PCDHGB5: variants seen among roughly 807,000 people sequenced by gnomAD.
The protein encoded by PCDHGB5 is protocadherin gamma subfamily B, 5.
A neutral mutation model predicts 62.9 loss-of-function variants in PCDHGB5; 48 were observed. That is an observed-to-expected ratio of 0.76 (90% confidence interval 0.61 to 0.97). PCDHGB5 has a LOEUF of 0.97. Among genes scored for constraint, PCDHGB5 ranks in the 50% least tolerant of loss-of-function variants. The pLI is 0.00. For missense variants in PCDHGB5, 1,118 were observed against 1,198.6 expected, an observed-to-expected ratio of 0.93 and a Z score of 0.99; for synonymous variants, 474 against 511.2, an observed-to-expected ratio of 0.93 and a Z score of 0.98.
Position 141,485,618 on chromosome 5 carries a change from G to A in PCDHGB5, c.2398-9189G>A, listed in dbSNP as rs2099616729. 2.5e-6 allele frequency: 4 copies of A among 1,612,092 alleles called. No individual in the cohort carries two copies. Among genetic ancestry groups the A allele is most frequent in the Non-Finnish European group, 3.4e-6 (4 of 1,178,672 alleles). On this transcript the variant is annotated intron_variant, in intron 1 of 3. Coordinates refer to ENST00000617380, the MANE Select transcript of PCDHGB5 (RefSeq NM_018925.3). This position sits in a 1 kb window ranked among gnomAD's most constrained non-coding sequence, Gnocchi z 5.7. The stretch of plus-strand genomic sequence containing the variant: ...GGAAATTGGGGAGGCAGCTCCTCCA[G>A]GACAGCGTTTCCCGTTGGAAAAGGC...
intron 1 of PCDHGB5, chr5:141,403,224 A>G (rs753308307): frequency 2.0e-5 from 32 of 1,613,820 alleles, no homozygotes; most frequent in Non-Finnish European, 2.5e-5. Context: ...GGTAGGATAG[A>G]CCGGGAGGAG....
At chr5:141,457,784 T>G (rs1021614051) in intron 1 of PCDHGB5, among the ~76,000 whole-genome samples, 1 of 152,210 alleles carries the variant, frequency 6.6e-6, no homozygotes, top group Non-Finnish European at 1.5e-5. Flanking sequence ...TACCTGTGAG[T>G]TGGGTTATCC....
In PCDHGB5 at chr5:141,400,181, A is replaced by C; in HGVS notation, c.2054A>C (p.Gln685Pro). 1.9e-6 allele frequency: 3 copies of C among 1,614,034 alleles called. No individual in the cohort carries two copies. Among genetic ancestry groups the C allele is most frequent in the Non-Finnish European group, 2.5e-6 (3 of 1,179,896 alleles). Residue 685 changes from glutamine (Q) to proline (P), a missense_variant, in exon 1 of 4, where the codon CAG (glutamine) becomes CCG (proline). Transcript: ENST00000617380. The part of the protein sequence containing the change: ...PVPSDPQAEL[Q>P]FYLVVALALI... ...CCCTCTGACCCCCAGGCTGAGCTGCAGTTTTACCTAGTGGTGGCCTTGGCC... is the reference window on the plus strand; with the variant it reads ...CCCTCTGACCCCCAGGCTGAGCTGCCGTTTTACCTAGTGGTGGCCTTGGCC...
At chr5:141,481,462 C>T (rs1395867714) in intron 1 of PCDHGB5, among the ~76,000 whole-genome samples, 1 of 152,162 alleles carries the variant, frequency 6.6e-6, no homozygotes. Flanking sequence ...ACACTGAAAA[C>T]CATTGGATTA....
Position 141,432,972 on chromosome 5 carries a change from C to T in PCDHGB5, c.2397+32448C>T. 1 of 1,614,218 alleles carries T rather than the reference C, an allele frequency of 6.2e-7. No homozygotes were observed. Among genetic ancestry groups the T allele is most frequent in the African/African-American group, 1.3e-5 (1 of 75,058 alleles). ...GGCGGCTTGACAGGAGCGCCGGCGT[C>T]GCACTTTGTGGGCGTGGACGGGGTG... On this transcript the variant is annotated intron_variant, in intron 1 of 3. Coordinates refer to ENST00000617380, the MANE Select transcript of PCDHGB5 (RefSeq NM_018925.3). This position sits in a 1 kb window ranked among gnomAD's most constrained non-coding sequence, Gnocchi z 6.0.
At chr5:141,483,187 GTTT>G (rs899657161) in intron 1 of PCDHGB5, among the ~76,000 whole-genome samples, 2 of 152,172 alleles carry the variant, frequency 1.3e-5, no homozygotes, top group African/African-American at 4.8e-5. Flanking sequence ...AAGCCAAGGA[GTTT>G]TTATTTTATT....
chr5:141,444,472 C>A (rs559334960), intron 1 of PCDHGB5, among the ~76,000 whole-genome samples: 2 of 151,850 alleles, frequency 1.3e-5, no homozygotes, highest in Non-Finnish European at 2.9e-5. Context: ...CGCCCGGTCG[C>A]GTACTGGATT....
Position 141,491,547 on chromosome 5 carries a change from G to C in PCDHGB5, c.2398-3260G>C. On this transcript the variant is annotated intron_variant, in intron 1 of 3. Coordinates refer to ENST00000617380, the MANE Select transcript of PCDHGB5 (RefSeq NM_018925.3). This position sits in a 1 kb window ranked among gnomAD's most constrained non-coding sequence, Gnocchi z 6.9. Reference sequence around the variant, plus strand: ...AGGTGACGCTGCGGCCCACAGACTCGCAGAGCCACTGCTACAGGACGTGCT... The same window carrying C: ...AGGTGACGCTGCGGCCCACAGACTCCCAGAGCCACTGCTACAGGACGTGCT... 6.2e-7 allele frequency: 1 copy of C among 1,613,974 alleles called. No individual in the cohort carries two copies. The highest frequency in any genetic ancestry group is 8.5e-7 in the Non-Finnish European group (1 of 1,180,022).
Position 141,409,803 on chromosome 5 carries a change from C to G in PCDHGB5, c.2397+9279C>G, listed in dbSNP as rs779815582. The G allele has an allele frequency of 1.4e-5, 23 of 1,611,528 alleles. No homozygotes were observed. The highest frequency in any genetic ancestry group is 7.7e-5 in the South Asian group (7 of 90,886). ...CGCGCCTTCGCGCTCACGCTGCAGG[C>G]CCGCGACCACGGCTCGCCCACGCTC... On this transcript the variant is annotated intron_variant, in intron 1 of 3. Coordinates refer to ENST00000617380, the MANE Select transcript of PCDHGB5 (RefSeq NM_018925.3).
chr5:141,474,412 C>T (rs1282336092), intron 1 of PCDHGB5, among the ~76,000 whole-genome samples: 2 of 152,220 alleles, frequency 1.3e-5, no homozygotes, highest in African/African-American at 2.4e-5. Context: ...CCGGTGATGC[C>T]TAGACCATTG....
At chr5:141,409,520 T>TTG (rs767613304) in intron 1 of PCDHGB5, 2 of 1,613,966 alleles carry the variant, frequency 1.2e-6, no homozygotes, top group East Asian at 4.5e-5. Flanking sequence ...AAGCATCACC[T>TTG]TGTATGTCGC....
Position 141,512,836 on chromosome 5 carries a change from T to G in PCDHGB5, c.*1663T>G, listed in dbSNP as rs1024777792. On this transcript the variant is annotated 3_prime_UTR_variant, in exon 4 of 4. Transcript: ENST00000617380. ...GGCGACCCCCTCCCCCGTACTGACTTCTCCTATAAGCGCTTCTCTTCGCAT... is the reference window on the plus strand; with the variant it reads ...GGCGACCCCCTCCCCCGTACTGACTGCTCCTATAAGCGCTTCTCTTCGCAT... 2 of 152,222 alleles carry G rather than the reference T, an allele frequency of 1.3e-5. No homozygotes were observed. Among genetic ancestry groups the G allele is most frequent in the African/African-American group, 4.8e-5 (2 of 41,412 alleles). The allele number at this position is 152,222 out of a possible 1,614,324, so 9.4% of individuals were successfully genotyped here. A position where few individuals can be genotyped will look rare whatever the true frequency, so the allele number is the denominator to read the frequency against.
Position 141,431,485 on chromosome 5 carries a change from T to G in PCDHGB5, c.2397+30961T>G. 2 of 1,613,924 alleles carry G rather than the reference T, an allele frequency of 1.2e-6. No individual in the cohort carries two copies. Among genetic ancestry groups the G allele is most frequent in the Non-Finnish European group, 1.7e-6 (2 of 1,179,990 alleles). ...ATGCGAACGACAACGCACCAGCGTTTGCTCAGCCCGAGTACCGCGCGAGCG... is the reference window on the plus strand; with the variant it reads ...ATGCGAACGACAACGCACCAGCGTTGGCTCAGCCCGAGTACCGCGCGAGCG... On this transcript the variant is annotated intron_variant, in intron 1 of 3. Coordinates refer to ENST00000617380, the MANE Select transcript of PCDHGB5 (RefSeq NM_018925.3). This position sits in a 1 kb window ranked among gnomAD's most constrained non-coding sequence, Gnocchi z 4.8.
chr5:141,413,656 G>A, intron 1 of PCDHGB5: 1 of 1,613,872 alleles, frequency 6.2e-7, no homozygotes, highest in Non-Finnish European at 8.5e-7. Flanking sequence ...TCTCCCGGAA[G>A]CTATTGATCC....
intron 1 of PCDHGB5, chr5:141,410,202 A>C (rs766392835): frequency 1.3e-5 from 21 of 1,614,018 alleles, no homozygotes; most frequent in Non-Finnish European, 1.6e-5. Context: ...TTCGCAGACA[A>C]CTTGCAAGAG....
At chr5:141,415,395 CGGCTCGCACTTT>C (rs2095864519) in intron 1 of PCDHGB5, 2 of 1,614,092 alleles carry the variant, frequency 1.2e-6, no homozygotes. Flanking sequence ...CAGGTGTGTC[CGGCTCGCACTTT>C]GTGGGCGTGG....
chr5:141,415,845 A>G, intron 1 of PCDHGB5: 1 of 1,246,436 alleles, frequency 8.0e-7, no homozygotes, highest in Non-Finnish European at 1.0e-6. Flanking sequence ...TTAGCTTTGC[A>G]GAACCTTGTA....
chr5:141,427,260 AC>A (rs1388196814), intron 1 of PCDHGB5: 1 of 456,770 alleles, frequency 2.2e-6, no homozygotes, highest in Admixed American at 2.3e-5. Flanking sequence ...TGGAGGCATG[AC>A]CAGCGAATGT....
intron 1 of PCDHGB5, chr5:141,421,919 TG>T: frequency 6.2e-7 from 1 of 1,613,642 alleles, no homozygotes; most frequent in Non-Finnish European, 8.5e-7. Flanking sequence ...CCCATTCGTG[TG>T]GTGGTCCTCG....
Sources: allele counts gnomAD v4.1 joint callset (sites outside exome capture counted in the v4.1 genomes callset), GRCh38; gene constraint gnomAD v4.1.1; non-coding constraint Gnocchi (gnomAD v3.1); transcripts MANE v1.5; gene names NCBI Gene and HGNC (gene_info 2026-07-23, HGNC 2026-07-21).